Variants in GABRR1 observed in about 807,000 individuals in gnomAD.
GABRR1 encodes gamma-aminobutyric acid receptor subunit rho-1.
Under a neutral mutation model 55.5 loss-of-function variants are expected in GABRR1, and 59 were observed. The observed-to-expected ratio is 1.06, with a 90% CI of 0.86 to 1.32. GABRR1 has a LOEUF of 1.32. GABRR1 is among the 40% of genes most tolerant of loss of function. GABRR1 has a pLI of 0.00. For synonymous variants in GABRR1, 213 were observed against 226.0 expected (o/e 0.94, Z 0.51); for missense variants, 602 against 619.1 (o/e 0.97, Z 0.29).
chr6:89,200,757 G>A (rs1439654483), intron 3 of GABRR1, among the ~76,000 whole-genome samples: 25 of 152,106 alleles, frequency 1.6e-4, no homozygotes, highest in Admixed American at 3.3e-4. Context: ...ACATTCCACC[G>A]TAAGATACAT....
Position 89,217,319 on chromosome 6 carries a change from A to G in GABRR1, c.4T>C (p.Leu2=), listed in dbSNP as rs375028634. The change falls in exon 1 of 10, where the codon TTG becomes CTG. Residue 2 remains leucine, a synonymous_variant. Coordinates refer to ENST00000454853, the MANE Select transcript of GABRR1 (RefSeq NM_002042.5). M[L]AVPNMRFGIF... ...CCAAATCTCATATTTGGGACAGCCA[A>G]CATGGGTTTCCAAATTCAAACAGCT... 11 of 1,614,120 alleles carry G rather than the reference A, an allele frequency of 6.8e-6. No homozygotes were observed. Among genetic ancestry groups the G allele is most frequent in the Admixed American group, 1.7e-5 (1 of 59,998 alleles).
At chr6:89,186,902 A>G (rs1253093249) in intron 6 of GABRR1, among the ~76,000 whole-genome samples, 1 of 152,150 alleles carries the variant, frequency 6.6e-6, no homozygotes, top group Non-Finnish European at 1.5e-5. Context: ...GCGGTGTGTG[A>G]TGTCAATGTC....
At chr6:89,191,481 G>A (rs373145507) in intron 5 of GABRR1, among the ~76,000 whole-genome samples, 3 of 152,184 alleles carry the variant, frequency 2.0e-5, no homozygotes, top group South Asian at 2.1e-4. Context: ...GTTTTGCTAC[G>A]AACAAGGGGA....
At chr6:89,181,681 A>G (rs994090935) in intron 8 of GABRR1, among the ~76,000 whole-genome samples, 3 of 152,186 alleles carry the variant, frequency 2.0e-5, no homozygotes, top group Admixed American at 1.3e-4. Flanking sequence ...ACAAGACTAA[A>G]GGTGGGCTGT....
chr6:89,188,367 C>T (rs951299180), intron 6 of GABRR1, among the ~76,000 whole-genome samples: 1 of 152,120 alleles, frequency 6.6e-6, no homozygotes, highest in Non-Finnish European at 1.5e-5. Flanking sequence ...AGTGGCTGCA[C>T]CATTATACAT....
At chr6:89,201,662 C>G (rs1772477027) in intron 2 of GABRR1, among the ~76,000 whole-genome samples, 1 of 151,876 alleles carries the variant, frequency 6.6e-6, no homozygotes, top group African/African-American at 2.4e-5. Flanking sequence ...GCCTGTGGTC[C>G]CAGCTACTCG....
chr6:89,189,803 C>T (rs999068171), intron 6 of GABRR1, among the ~76,000 whole-genome samples: 3 of 152,124 alleles, frequency 2.0e-5, no homozygotes, highest in Non-Finnish European at 2.9e-5. Context: ...TGGTGGCTCA[C>T]GCCTGTAATC....
chr6:89,218,336 A>G (rs776151398), upstream of GABRR1, among the ~76,000 whole-genome samples: 3 of 152,104 alleles, frequency 2.0e-5, no homozygotes, highest in Non-Finnish European at 4.4e-5. Flanking sequence ...CACAAGACTG[A>G]AAAAAAATTG....
At chr6:89,229,617 TC>T (rs938036380) in intron 1 of GABRR1, among the ~76,000 whole-genome samples, 11 of 126,024 alleles carry the variant, frequency 8.7e-5, no homozygotes, top group African/African-American at 2.9e-4. Context: ...TTGTAGGGTT[TC>T]TGCGGAGAGA....
intron 1 of GABRR1, among the ~76,000 whole-genome samples, chr6:89,224,254 G>C (rs1191186709): frequency 6.6e-6 from 1 of 151,636 alleles, no homozygotes; most frequent in Non-Finnish European, 1.5e-5. Context: ...ACCACGCCCA[G>C]CTAATTTTTG....
upstream of GABRR1, chr6:89,217,671 A>C: frequency 4.8e-6 from 1 of 207,874 alleles, no homozygotes; most frequent in Non-Finnish European, 9.8e-6. Context: ...GTAAAAATGG[A>C]CCAAAGCAAT....
chr6:89,209,136 T>C (rs1772742927), intron 1 of GABRR1, among the ~76,000 whole-genome samples: 1 of 148,488 alleles, frequency 6.7e-6, no homozygotes, highest in African/African-American at 2.6e-5. Context: ...CAGCCTATCA[T>C]CCAAGTTGCG....
rs988395972 is a variant in GABRR1 at position 89,181,828 on chromosome 6, G to T, written c.949+77C>A. ...AAGGGATACAGAATCAATTTGAAAAGAATGGTTTTATCTGGAAGGAATTGT... is the reference window on the plus strand; with the variant it reads ...AAGGGATACAGAATCAATTTGAAAATAATGGTTTTATCTGGAAGGAATTGT... On this transcript the variant is annotated intron_variant, in intron 8 of 9. Coordinates refer to ENST00000454853, the MANE Select transcript of GABRR1 (RefSeq NM_002042.5). 213 of 1,375,546 alleles carry T rather than the reference G, an allele frequency of 1.5e-4. 1 individual carries two copies. Among genetic ancestry groups the T allele is most frequent in the Non-Finnish European group, 2.4e-5 (24 of 1,013,614 alleles). 85.2% of individuals were successfully genotyped at this position (1,375,546 alleles called of 1,614,324 possible).
At chr6:89,205,537 T>C (rs1772614603) in intron 1 of GABRR1, 1 of 152,182 alleles carries the variant, frequency 6.6e-6, no homozygotes, top group Non-Finnish European at 1.5e-5. Flanking sequence ...AAATGACAAA[T>C]TCCAACCTAC....
rs1196337916 is a variant in GABRR1 at position 89,178,362 on chromosome 6, T to C, written c.*408A>G. The C allele has an allele frequency of 5.2e-6, 1 of 192,274 alleles. No homozygotes were observed. The highest frequency in any genetic ancestry group is 1.1e-5 in the Non-Finnish European group (1 of 92,126). 11.9% of individuals were successfully genotyped at this position (192,274 alleles called of 1,614,324 possible). On this transcript the variant is annotated 3_prime_UTR_variant, in exon 10 of 10. Coordinates refer to ENST00000454853, the MANE Select transcript of GABRR1 (RefSeq NM_002042.5). Reference sequence around the variant, plus strand: ...GCATGTGAATTTCATGCAAATGGCCTGTAGGTGCTTCCAAGTTCACGTAGC... The same window carrying C: ...GCATGTGAATTTCATGCAAATGGCCCGTAGGTGCTTCCAAGTTCACGTAGC...
chr6:89,192,675 C>G (rs1012769108), intron 5 of GABRR1, among the ~76,000 whole-genome samples: 11 of 151,916 alleles, frequency 7.2e-5, no homozygotes, highest in Non-Finnish European at 1.6e-4. Context: ...ATTCTCCTGC[C>G]TCAGCCTCCT....
intron 1 of GABRR1, among the ~76,000 whole-genome samples, chr6:89,223,720 T>C (rs1448598608): frequency 1.3e-5 from 2 of 152,094 alleles, no homozygotes; most frequent in Non-Finnish European, 2.9e-5. Context: ...CTTTTTTTTT[T>C]TTTTTAATGG....
intron 3 of GABRR1, among the ~76,000 whole-genome samples, chr6:89,200,045 C>T (rs11967322): frequency 0.41 from 62,887 of 151,748 alleles, 13,550 homozygotes; most frequent in African/African-American, 0.46. Flanking sequence ...TCCTGCCCCC[C>T]TTCTTCCCTG....
In GABRR1 at chr6:89,191,470, T is replaced by C. The variant is rs114822186; in HGVS notation, c.573-1223A>G. ...GACATAGAATGCCCAATGAAGGAAA[T>C]GTTTTGCTACGAACAAGGGGACTGA... On this transcript the variant is annotated intron_variant, in intron 5 of 9. Transcript: ENST00000454853. 7.4e-3 allele frequency among the ~76,000 whole-genome samples: 1,124 copies of C among 152,304 alleles called. 15 individuals carry two copies. The highest frequency in any genetic ancestry group is 0.026 in the African/African-American group (1,085 of 41,558).
Sources: gnomAD v4.1 joint callset for allele counts (sites outside exome capture counted in the v4.1 genomes callset) on GRCh38, gnomAD v4.1.1 for gene constraint, MANE v1.5 for transcripts, NCBI Gene and HGNC (gene_info 2026-07-23, HGNC 2026-07-21) for gene names.